The following FGF14 variants were observed in gnomAD, a reference collection of about 807,000 sequenced individuals.
FGF14 encodes fibroblast growth factor homologous factor 4.
In FGF14, 5 loss-of-function variants were observed where a neutral mutation model predicts 25.5. That is an observed-to-expected ratio of 0.20 (90% CI 0.10 to 0.41). FGF14 has a LOEUF of 0.41. Ranked by LOEUF, FGF14 falls within the 10% of genes least tolerant of loss-of-function variation. The pLI is 1.00. For synonymous variants in FGF14, 138 were observed against 118.3 expected, an observed-to-expected ratio of 1.17 and a Z score of -1.08; for missense variants, 222 against 320.1, an observed-to-expected ratio of 0.69 and a Z score of 2.34.
intron 1 of FGF14, among the ~76,000 whole-genome samples, chr13:101,884,038 G>A (rs559549408): frequency 5.2e-5 from 6 of 115,178 alleles, no homozygotes; most frequent in East Asian, 2.7e-4. Context: ...ACTCCAGCCT[G>A]GGCAACAGAG....
intron 1 of FGF14, among the ~76,000 whole-genome samples, chr13:102,307,792 T>A (rs1169184822): frequency 6.6e-6 from 1 of 152,100 alleles, no homozygotes; most frequent in Non-Finnish European, 1.5e-5. Flanking sequence ...AGAAAGGATA[T>A]CCATAAGGTG....
Position 102,226,844 on chromosome 13 carries a change from T to A in FGF14, c.208+174627A>T, listed in dbSNP as rs529152075. On this transcript the variant is annotated intron_variant, in intron 1 of 4. Transcript: ENST00000376131. Reference sequence around the variant, plus strand: ...GCCACCAGAATTCAATTTATCAGTTTAACCACACATTCTACCTTCCTTCCT... The same window carrying A: ...GCCACCAGAATTCAATTTATCAGTTAAACCACACATTCTACCTTCCTTCCT... Among the ~76,000 whole-genome samples, 3 of 152,294 alleles carry A rather than the reference T, an allele frequency of 2.0e-5. No homozygotes were observed. In the East Asian group the frequency reaches 5.8e-4, roughly 29 times the overall value.
chr13:102,386,720 G>A (rs1030241620), intron 1 of FGF14, among the ~76,000 whole-genome samples: 1 of 152,148 alleles, frequency 6.6e-6, no homozygotes, highest in Admixed American at 6.5e-5. Context: ...AGGAAACTGT[G>A]CACATTTCCA....
intron 1 of FGF14, among the ~76,000 whole-genome samples, chr13:102,312,700 T>C (rs207474328): frequency 6.6e-6 from 1 of 152,196 alleles, no homozygotes; most frequent in Non-Finnish European, 1.5e-5. Flanking sequence ...TTAGAACTTA[T>C]AGGAGAAGGA....
intron 1 of FGF14, among the ~76,000 whole-genome samples, chr13:102,087,575 C>CTTTTTTTTTTTTTTT (rs1166446102): frequency 1.3e-4 from 10 of 79,858 alleles, no homozygotes; most frequent in South Asian, 5.5e-4. Flanking sequence ...CCATGCCTGG[C>CTTTTTTTTTTTTTTT]TTTTTTTTTT....
At chr13:102,073,063 G>A (rs142316923) in intron 1 of FGF14, among the ~76,000 whole-genome samples, 16 of 152,254 alleles carry the variant, frequency 1.1e-4, no homozygotes, top group African/African-American at 3.6e-4. Flanking sequence ...CCAACATGGT[G>A]AAACCCCATC....
At chr13:102,161,673 G>GTC (rs1566765575) in intron 1 of FGF14, among the ~76,000 whole-genome samples, 9,763 of 56,000 alleles carry the variant, frequency 0.17, 940 homozygotes, top group East Asian at 0.29. Flanking sequence ...AGAAGAAGAA[G>GTC]AAGAAGAAGA....
chr13:102,400,689 G>C lies in FGF14; in HGVS notation c.208+782C>G, dbSNP rs2058682817. Among the ~76,000 whole-genome samples the C allele has an allele frequency of 6.6e-6, 1 of 152,236 alleles. No individual in the cohort carries two copies. Among genetic ancestry groups the C allele is most frequent in the African/African-American group, 2.4e-5 (1 of 41,458 alleles). On this transcript the variant is annotated intron_variant, in intron 1 of 4. Transcript: ENST00000376131. This position sits in a 1 kb window ranked among gnomAD's most constrained non-coding sequence, Gnocchi z 4.3. Reference sequence around the variant, plus strand: ...GAATCGGGGCGCATGATCACCAGTAGGCTTAAAAGCAGGAACTCACGGCCT... The same window carrying C: ...GAATCGGGGCGCATGATCACCAGTACGCTTAAAAGCAGGAACTCACGGCCT...
rs529138805 is a variant in FGF14, at chr13:101,718,607, A to G, written c.*4224T>C. On this transcript the variant is annotated 3_prime_UTR_variant, in exon 5 of 5. Transcript: ENST00000376143. The stretch of plus-strand genomic sequence containing the variant: ...TATTCCACCCAGAGACTTTTTCAAA[A>G]AAGTCAACTAAAGTGCTAAGTCATA... 6.6e-6 allele frequency: 1 copy of G among 152,152 alleles called. No homozygotes were observed. The highest frequency in any genetic ancestry group is 2.1e-4 in the South Asian group (1 of 4,822). The allele number at this position is 152,152 out of a possible 1,614,324, so 9.4% of individuals were successfully genotyped here.
At chr13:101,805,053 A>G (rs1338384114) in intron 3 of FGF14, among the ~76,000 whole-genome samples, 13 of 152,206 alleles carry the variant, frequency 8.5e-5, no homozygotes, top group Non-Finnish European at 1.6e-4. Context: ...TTTATATTAT[A>G]GTAAGGTATT....
chr13:101,902,739 G>T (rs2031731202), intron 1 of FGF14, among the ~76,000 whole-genome samples: 2 of 152,054 alleles, frequency 1.3e-5, no homozygotes, highest in African/African-American at 4.8e-5. Context: ...TTTTATCAAG[G>T]GATGTCTTTC....
At chr13:102,388,089 C>T (rs1213977546) in intron 1 of FGF14, among the ~76,000 whole-genome samples, 1 of 152,134 alleles carries the variant, frequency 6.6e-6, no homozygotes, top group African/African-American at 2.4e-5. Context: ...CTCAAGTAGT[C>T]CCTGGGGTCT....
intron 1 of FGF14, among the ~76,000 whole-genome samples, chr13:102,124,914 C>T (rs2045889321): frequency 6.6e-6 from 1 of 152,054 alleles, no homozygotes; most frequent in Admixed American, 6.6e-5. Context: ...AATTCCTTTA[C>T]CTTTTATTCT....
At chr13:102,050,513 G>T (rs2042171700) in intron 1 of FGF14, among the ~76,000 whole-genome samples, 1 of 151,970 alleles carries the variant, frequency 6.6e-6, no homozygotes, top group African/African-American at 2.4e-5. Context: ...TATTTCTTAG[G>T]AATAAGCTGA....
At chr13:102,120,504 GT>G (rs1325997378) in intron 1 of FGF14, among the ~76,000 whole-genome samples, 3 of 152,268 alleles carry the variant, frequency 2.0e-5, no homozygotes, top group Non-Finnish European at 2.9e-5. Flanking sequence ...CACTACCAGT[GT>G]TTTCACTAGA....
At chr13:102,072,843 G>A (rs1441757283) in intron 1 of FGF14, among the ~76,000 whole-genome samples, 1 of 152,208 alleles carries the variant, frequency 6.6e-6, no homozygotes. Context: ...TGTCTTACTG[G>A]AGGAGGGCTA....
chr13:101,886,347 T>C (rs566462039), intron 1 of FGF14, among the ~76,000 whole-genome samples: 11 of 152,156 alleles, frequency 7.2e-5, no homozygotes, highest in East Asian at 1.9e-4. Flanking sequence ...AACAGACACA[T>C]AGACCAATGG....
At chr13:101,948,487 A>ATG (rs781102602) in intron 1 of FGF14, among the ~76,000 whole-genome samples, 3 of 149,994 alleles carry the variant, frequency 2.0e-5, no homozygotes, top group Non-Finnish European at 3.0e-5. Context: ...ATATATATAT[A>ATG]TAAAGAAACA....
chr13:102,107,348 G>A (rs2140307764), intron 1 of FGF14, among the ~76,000 whole-genome samples: 1 of 152,234 alleles, frequency 6.6e-6, no homozygotes, highest in East Asian at 1.9e-4. Flanking sequence ...GAAGAAGCAG[G>A]CTTTAATTCT....
Sources: gnomAD v4.1 joint callset for allele counts (sites outside exome capture counted in the v4.1 genomes callset) on GRCh38, gnomAD v4.1.1 for gene constraint, Gnocchi (gnomAD v3.1) non-coding constraint, MANE v1.5 for transcripts, NCBI Gene and HGNC (gene_info 2026-07-23, HGNC 2026-07-21) for gene names.